The following CYP4F2 variants were observed in gnomAD, a reference collection of about 807,000 sequenced individuals.
CYP4F2 encodes the protein cytochrome P450 family 4 subfamily F member 2, also known as cytochrome P450 4F2.
A neutral mutation model predicts 58.9 loss-of-function variants in CYP4F2; 58 were observed. That is an observed-to-expected ratio of 0.98 (90% CI 0.80 to 1.23). The LOEUF (loss-of-function observed/expected upper bound fraction) is 1.23, where lower values mean the gene tolerates loss of function less well. CYP4F2 is among the 50% of genes most tolerant of loss of function. The pLI, the probability that CYP4F2 is intolerant of heterozygous loss-of-function variation, is 0.00. For synonymous variants in CYP4F2, 287 were observed against 261.1 expected (o/e 1.10, Z -0.95); for missense variants, 616 against 685.6 (o/e 0.90, Z 1.13).
Position 15,897,467 on chromosome 19 carries a change from G to A in CYP4F2, c.145C>T (p.Arg49Trp), listed in dbSNP as rs771958577. ...CGTCTTGGGGGTTGTGGGAAACACC[G>A]AAGGCGGCGGCAGTTGTCATAGAAG... ...YAFYDNCRRL[R>W]CFPQPPRRNW... Residue 49 changes from arginine (R) to tryptophan (W), a missense_variant, in exon 2 of 13, where the codon CGG (arginine) becomes TGG (tryptophan). By Grantham distance (101) the Arg-to-Trp change is moderately radical. Coordinates refer to ENST00000221700, the MANE Select transcript of CYP4F2 (RefSeq NM_001082.5). 8.7e-6 allele frequency: 14 copies of A among 1,613,938 alleles called. No homozygotes were observed. The South Asian group carries it at 8.8e-5, about 10-fold the overall frequency.
At chr19:15,888,625 T>C (rs1177727911) in intron 7 of CYP4F2, among the ~76,000 whole-genome samples, 1 of 151,670 alleles carries the variant, frequency 6.6e-6, no homozygotes, top group East Asian at 1.9e-4. Flanking sequence ...CACACATACA[T>C]AGACTAAGTC....
At chr19:15,894,180 C>T (rs77893881) in intron 3 of CYP4F2, among the ~76,000 whole-genome samples, 2,006 of 152,312 alleles carry the variant, frequency 0.013, 55 homozygotes, top group African/African-American at 0.046. Flanking sequence ...CACTTGCCCA[C>T]AGTCCCAGAC....
intron 9 of CYP4F2, among the ~76,000 whole-genome samples, chr19:15,883,875 A>G (rs939933862): frequency 2.6e-5 from 4 of 152,128 alleles, no homozygotes; most frequent in Non-Finnish European, 4.4e-5. Context: ...CCTGGCCAAT[A>G]TGGTGAAACC....
At chr19:15,888,924 G>C (rs1182493593) in intron 7 of CYP4F2, among the ~76,000 whole-genome samples, 1 of 152,022 alleles carries the variant, frequency 6.6e-6, no homozygotes, top group Non-Finnish European at 1.5e-5. Flanking sequence ...ACATAGACAT[G>C]GATGAAAATA....
chr19:15,880,623 C>CA (rs111228770), intron 9 of CYP4F2, among the ~76,000 whole-genome samples: 3,039 of 139,998 alleles, frequency 0.022, 48 homozygotes, highest in Middle Eastern at 0.081. Flanking sequence ...GACTGCATCT[C>CA]AAAAAAAAAA....
At chr19:15,895,447 G>T in intron 3 of CYP4F2, 59 bp downstream of exon 3, 1 of 1,457,106 alleles carries the variant, frequency 6.9e-7, no homozygotes, top group Non-Finnish European at 9.0e-7. Flanking sequence ...ACAGGAGCTT[G>T]GGGATAGCGG....
rs1167523556 is a variant in CYP4F2, at chr19:15,879,854, C to T, written c.1159G>A (p.Glu387Lys). Residue 387 changes from glutamate (E) to lysine (K), a missense_variant, in exon 10 of 13, where the codon GAG becomes AAG. Coordinates refer to ENST00000221700, the MANE Select transcript of CYP4F2 (RefSeq NM_001082.5). ...HLPFLTMCMK[E>K]SLRLHPPVPV... ...ACTGGGGGATGCAGCCGCAGGCTCTCCTTCATGCACATGGTCAGGAAGGGC... is the reference window on the plus strand; with the variant it reads ...ACTGGGGGATGCAGCCGCAGGCTCTTCTTCATGCACATGGTCAGGAAGGGC... The T allele has an allele frequency of 7.4e-6, 12 of 1,614,138 alleles. No homozygotes were observed. Among genetic ancestry groups the T allele is most frequent in the Non-Finnish European group, 9.3e-6 (11 of 1,180,028 alleles).
chr19:15,896,233 GCTATCTATCTATCTATCTAT>G (rs10638260), intron 2 of CYP4F2, among the ~76,000 whole-genome samples: 6 of 148,266 alleles, frequency 4.0e-5, no homozygotes, highest in Admixed American at 6.7e-5. Flanking sequence ...TATCCTATTA[GCTATCTATCTATCTATCTAT>G]CTATCTATCT....
At chr19:15,896,483 A>T (rs2089449380) in intron 2 of CYP4F2, among the ~76,000 whole-genome samples, 2 of 152,274 alleles carry the variant, frequency 1.3e-5, no homozygotes, top group South Asian at 4.2e-4. Flanking sequence ...AGGTCCTCAC[A>T]GGGGAGATTT....
At chr19:15,893,917 C>T (rs1479231968) in intron 3 of CYP4F2, 5 of 254,896 alleles carry the variant, frequency 2.0e-5, no homozygotes, top group Non-Finnish European at 4.1e-5. Flanking sequence ...TTCATGCTCT[C>T]CTAGGCTGTG....
chr19:15,896,792 AC>A (rs1225895455), intron 2 of CYP4F2, among the ~76,000 whole-genome samples: 2 of 152,162 alleles, frequency 1.3e-5, no homozygotes. Context: ...GCAGACTAAG[AC>A]CACATTCCCC....
chr19:15,878,266 G>A lies in CYP4F2; in HGVS notation c.*505C>T, dbSNP rs1158723209. The stretch of plus-strand genomic sequence containing the variant: ...CGGAACATTTTCACCATCCCGGGAG[G>A]AAACCCCATACTGATTAGCAGTCGC... On this transcript the variant is annotated 3_prime_UTR_variant, in exon 13 of 13. Transcript: ENST00000221700. The A allele has an allele frequency of 6.5e-6, 1 of 153,242 alleles. No individual in the cohort carries two copies. The highest frequency in any genetic ancestry group is 6.5e-5 in the Admixed American group (1 of 15,374). 9.5% of individuals were successfully genotyped at this position (153,242 alleles called of 1,614,324 possible).
intron 2 of CYP4F2, 79 bp downstream of exon 2, chr19:15,897,335 A>AAC: frequency 4.0e-6 from 5 of 1,245,354 alleles, no homozygotes; most frequent in African/African-American, 1.6e-5. Flanking sequence ...CCACCCCTTC[A>AAC]CCCCCACTCC....
chr19:15,892,315 G>C lies in CYP4F2; in HGVS notation c.519C>G (p.Ile173Met). The C allele has an allele frequency of 6.2e-7, 1 of 1,614,146 alleles. No individual in the cohort carries two copies. Among genetic ancestry groups the C allele is most frequent in the Non-Finnish European group, 8.5e-7 (1 of 1,180,036 alleles). Residue 173 changes from isoleucine to methionine, a missense_variant, in exon 5 of 13, where the codon ATC (isoleucine) becomes ATG (methionine). Ile to Met is a conservative substitution (Grantham distance 10). Coordinates refer to ENST00000221700, the MANE Select transcript of CYP4F2 (RefSeq NM_001082.5). The part of the protein sequence containing the change: ...YMKIFNESVN[I>M]MHAKWQLLAS... ...TTGGCTTCAAATAACTCACGTGCATGATGTTCACACTCTCATTGAAAATCT... is the reference window on the plus strand; with the variant it reads ...TTGGCTTCAAATAACTCACGTGCATCATGTTCACACTCTCATTGAAAATCT...
chr19:15,879,279 C>T, intron 12 of CYP4F2, 67 bp downstream of exon 12: 1 of 1,557,058 alleles, frequency 6.4e-7, no homozygotes, highest in Middle Eastern at 1.7e-4. Flanking sequence ...CCCCCTTTTC[C>T]CCACTGTCAT....
At chr19:15,884,657 A>C (rs1410641991) in intron 9 of CYP4F2, among the ~76,000 whole-genome samples, 1 of 152,220 alleles carries the variant, frequency 6.6e-6, no homozygotes, top group Non-Finnish European at 1.5e-5. Flanking sequence ...CAGAAAAATT[A>C]TTGGTTTTAA....
At chr19:15,891,661 T>C (rs568033708) in intron 5 of CYP4F2, among the ~76,000 whole-genome samples, 1 of 152,138 alleles carries the variant, frequency 6.6e-6, no homozygotes, top group South Asian at 2.1e-4. Flanking sequence ...GATGAGTTAA[T>C]AACTAACGAA....
At chr19:15,880,607 G>A (rs966224099) in intron 9 of CYP4F2, among the ~76,000 whole-genome samples, 13 of 150,008 alleles carry the variant, frequency 8.7e-5, no homozygotes, top group Admixed American at 7.3e-4. Flanking sequence ...CAACCTGGGC[G>A]ATAGAGACTG....
At chr19:15,886,695 C>T (rs76516734) in intron 7 of CYP4F2, among the ~76,000 whole-genome samples, 1 of 152,288 alleles carries the variant, frequency 6.6e-6, no homozygotes, top group Non-Finnish European at 1.5e-5. Context: ...TCTAGAGAAT[C>T]TTATCCCCCT....
Sources: allele counts gnomAD v4.1 joint callset (sites outside exome capture counted in the v4.1 genomes callset), GRCh38; gene constraint gnomAD v4.1.1; transcripts MANE v1.5; gene names NCBI Gene and HGNC (gene_info 2026-07-23, HGNC 2026-07-21).